The following CLDN18 variants were observed in gnomAD, a reference collection of about 807,000 sequenced individuals.
CLDN18 encodes claudin 18, also known as claudin-18.
A neutral mutation model predicts 25.0 loss-of-function variants in CLDN18; 20 were observed. The ratio of observed to expected loss-of-function variants is 0.80; its 90% confidence interval spans 0.56 to 1.16. The LOEUF (loss-of-function observed/expected upper bound fraction) is 1.16, where lower values mean the gene tolerates loss of function less well. Ranked by LOEUF, CLDN18 falls within the 50% of genes most tolerant of loss-of-function variation. The pLI is 0.00. For missense variants in CLDN18, 297 were observed against 345.4 expected (o/e 0.86, Z 1.11); for synonymous variants, 125 against 135.6 (o/e 0.92, Z 0.54).
chr3:138,011,418 A>C (rs1405612348), intron 1 of CLDN18, among the ~76,000 whole-genome samples: 1 of 152,228 alleles, frequency 6.6e-6, no homozygotes, highest in East Asian at 1.9e-4. Context: ...TCATTTTCAG[A>C]AAGAAATAGA....
chr3:138,004,457 GAA>G (rs1942047789), intron 1 of CLDN18, among the ~76,000 whole-genome samples: 1 of 151,818 alleles, frequency 6.6e-6, no homozygotes, highest in Non-Finnish European at 1.5e-5. Flanking sequence ...CAAAAAAAAC[GAA>G]AGTTTTTTTT....
upstream of CLDN18, among the ~76,000 whole-genome samples, chr3:138,007,458 C>T (rs1278553819): frequency 1.3e-5 from 2 of 151,806 alleles, no homozygotes; most frequent in Non-Finnish European, 2.9e-5. Flanking sequence ...AAACTATACA[C>T]CACATGTTCT....
intron 1 of CLDN18, among the ~76,000 whole-genome samples, chr3:138,011,301 C>G (rs956649273): frequency 6.6e-6 from 1 of 152,088 alleles, no homozygotes; most frequent in African/African-American, 2.4e-5. Context: ...GAAACAAATA[C>G]CTTTTATAAA....
At chr3:137,999,398 T>G (rs1941991729) in intron 1 of CLDN18, among the ~76,000 whole-genome samples, 1 of 152,148 alleles carries the variant, frequency 6.6e-6, no homozygotes, top group Admixed American at 6.6e-5. Flanking sequence ...GGAACAGGAC[T>G]CAGGAGGCCC....
upstream of CLDN18, chr3:138,009,911 CGG>C: frequency 2.9e-6 from 1 of 347,854 alleles, no homozygotes; most frequent in Non-Finnish European, 5.4e-6. Flanking sequence ...CCGGAGGAGC[CGG>C]AGCTGGAGGG....
In CLDN18 at chr3:138,010,427, A is replaced by G; in HGVS notation, c.202A>G (p.Thr68Ala). Residue 68 changes from threonine to alanine, a missense_variant, in exon 1 of 5, where the codon ACC becomes GCC. Thr to Ala is a moderately conservative substitution (Grantham distance 58). Coordinates refer to ENST00000183605, the MANE Select transcript of CLDN18 (RefSeq NM_016369.4). ...CTTCACCGAATGCAGGCCCTATTTCACCATCCTGGGACTTCCAGGTAGGCA... is the reference window on the plus strand; with the variant it reads ...CTTCACCGAATGCAGGCCCTATTTCGCCATCCTGGGACTTCCAGGTAGGCA... ...SGFTECRPYF[T>A]ILGLPAMLQA... 6.2e-7 allele frequency: 1 copy of G among 1,614,076 alleles called. No individual in the cohort carries two copies. The highest frequency in any genetic ancestry group is 1.1e-5 in the South Asian group (1 of 91,062).
chr3:138,030,667 G>A (rs147371374), intron 4 of CLDN18, among the ~76,000 whole-genome samples: 15 of 152,206 alleles, frequency 9.9e-5, no homozygotes, highest in African/African-American at 3.6e-4. Context: ...CGAGGATTTG[G>A]GGATACCTCT....
upstream of CLDN18, among the ~76,000 whole-genome samples, chr3:138,008,480 G>T (rs554287001): frequency 6.6e-5 from 10 of 152,126 alleles, no homozygotes; most frequent in South Asian, 2.1e-3. Context: ...GCAGGCGCCT[G>T]TAATCTCAGC....
At chr3:138,019,850 G>A (rs1339265920) in intron 1 of CLDN18, among the ~76,000 whole-genome samples, 2 of 152,128 alleles carry the variant, frequency 1.3e-5, no homozygotes, top group East Asian at 3.9e-4. Flanking sequence ...CTATTTTTCT[G>A]TTTGCTTCTT....
At position 138,010,231 on chromosome 3, in the gene CLDN18, C is replaced by T. The variant is rs1395275989; in HGVS notation, c.6C>T (p.Ser2=). 1.9e-6 allele frequency: 3 copies of T among 1,612,874 alleles called. No individual in the cohort carries two copies. Among genetic ancestry groups the T allele is most frequent in the African/African-American group, 2.7e-5 (2 of 74,908 alleles). ...CAGGGCGGGCGGCCAGGATCATGTC[C>T]ACCACCACATGCCAAGTGGTGGCGT... M[S]TTTCQVVAFL... Residue 2 remains serine, a synonymous_variant, in exon 1 of 5, where the codon TCC becomes TCT. Transcript: ENST00000183605.
intron 1 of CLDN18, among the ~76,000 whole-genome samples, chr3:138,000,521 AGGTTGGTTGTTTGGTT>A (rs528081928): frequency 1.9e-3 from 292 of 152,172 alleles, no homozygotes; most frequent in African/African-American, 6.8e-3. Context: ...AGCCATTGAG[AGGTTGGTTGTTTGGTT>A]GGTTGGTTGG....
intron 1 of CLDN18, among the ~76,000 whole-genome samples, chr3:138,016,525 G>T (rs1026367077): frequency 7.2e-6 from 1 of 138,492 alleles, no homozygotes; most frequent in African/African-American, 2.4e-5. Context: ...GCAGAGTGGA[G>T]AGGGGGCAAA....
intron 1 of CLDN18, among the ~76,000 whole-genome samples, chr3:138,001,052 G>A (rs1263740550): frequency 6.6e-6 from 1 of 152,236 alleles, no homozygotes; most frequent in Non-Finnish European, 1.5e-5. Context: ...ACAATATTTT[G>A]TATAATCTCT....
At chr3:138,001,136 A>G (rs1942011242) in intron 1 of CLDN18, among the ~76,000 whole-genome samples, 1 of 152,240 alleles carries the variant, frequency 6.6e-6, no homozygotes, top group Non-Finnish European at 1.5e-5. Context: ...TAACTTGCCC[A>G]AGGACACTTG....
chr3:138,024,132 G>T (rs1367482310), intron 2 of CLDN18, among the ~76,000 whole-genome samples: 1 of 151,174 alleles, frequency 6.6e-6, no homozygotes, highest in Non-Finnish European at 1.5e-5. Context: ...GCAGCATTGT[G>T]ACACCCTATG....
At chr3:138,009,540 A>G (rs2107877808), upstream of CLDN18, among the ~76,000 whole-genome samples, 1 of 152,252 alleles carries the variant, frequency 6.6e-6, no homozygotes, top group East Asian at 1.9e-4. Context: ...CCATATGGAA[A>G]CAGAGAAAGA....
intron 1 of CLDN18, among the ~76,000 whole-genome samples, chr3:138,014,125 T>G (rs1156231556): frequency 2.0e-5 from 3 of 151,872 alleles, no homozygotes; most frequent in Middle Eastern, 3.4e-3. Flanking sequence ...GTGGGAGAAT[T>G]GGTGATGCTA....
rs189504813 is a variant in CLDN18 at position 138,015,781 on chromosome 3, C to A, written c.220+5336C>A. 1.6e-4 allele frequency among the ~76,000 whole-genome samples: 25 copies of A among 152,324 alleles called. No homozygotes were observed. In the East Asian group the frequency reaches 4.4e-3, roughly 27 times the overall value. ...AATAATCATTGCCAGTTATTAAATT[C>A]TTCCTAAGTGCAATCTCTGTTCTTG... On this transcript the variant is annotated intron_variant, in intron 1 of 4. Transcript: ENST00000183605.
At chr3:138,009,263 G>A (rs904057794), upstream of CLDN18, among the ~76,000 whole-genome samples, 2 of 152,204 alleles carry the variant, frequency 1.3e-5, no homozygotes, top group Non-Finnish European at 1.5e-5. Flanking sequence ...GGCAGCATCA[G>A]GAGCAGATCC....
Sources: allele counts gnomAD v4.1 joint callset (sites outside exome capture counted in the v4.1 genomes callset), GRCh38; gene constraint gnomAD v4.1.1; transcripts MANE v1.5; gene names NCBI Gene and HGNC (gene_info 2026-07-23, HGNC 2026-07-21).